The following CD38 variants were observed in gnomAD, a reference collection of about 807,000 sequenced individuals.
The protein encoded by CD38 is CD38 molecule, also known as ADP-ribosyl cyclase/cyclic ADP-ribose hydrolase 1.
A neutral mutation model predicts 36.3 loss-of-function variants in CD38; 31 were observed. The ratio of observed to expected loss-of-function variants is 0.85; its 90% CI spans 0.64 to 1.15. The LOEUF (loss-of-function observed/expected upper bound fraction) is 1.15. Among genes scored for constraint, CD38 ranks in the 50% most tolerant of loss-of-function variants. The pLI is 0.00. For missense variants in CD38, 380 were observed against 371.9 expected (o/e 1.02, Z -0.18); for synonymous variants, 131 against 135.2 (o/e 0.97, Z 0.22).
chr4:15,779,509 A>C (rs571194822), intron 1 of CD38, among the ~76,000 whole-genome samples: 1 of 152,202 alleles, frequency 6.6e-6, no homozygotes, highest in Non-Finnish European at 1.5e-5. Flanking sequence ...GAAGGCAGGC[A>C]GGGGGAGCTG....
intron 1 of CD38, among the ~76,000 whole-genome samples, chr4:15,792,691 GTAAATCTTTCAGTCTGTATCTC>G (rs1313270386): frequency 6.6e-6 from 1 of 151,878 alleles, no homozygotes; most frequent in East Asian, 1.9e-4. Context: ...AATTTTGTCT[GTAAATCTTTCAGTCTGTATCTC>G]TAAATCTTTC....
At chr4:15,804,259 TG>T (rs141654310) in intron 1 of CD38, among the ~76,000 whole-genome samples, 9,722 of 152,268 alleles carry the variant, frequency 0.064, 336 homozygotes, top group Non-Finnish European at 0.066. Flanking sequence ...TCACAGCGGT[TG>T]AACTAATTTA....
intron 3 of CD38, among the ~76,000 whole-genome samples, chr4:15,830,213 T>C (rs764055897): frequency 6.6e-6 from 1 of 152,238 alleles, no homozygotes; most frequent in Non-Finnish European, 1.5e-5. Flanking sequence ...CCACCAACAG[T>C]GTACAAGGGT....
intron 1 of CD38, among the ~76,000 whole-genome samples, chr4:15,797,211 G>A (rs1371090358): frequency 2.0e-5 from 3 of 152,058 alleles, no homozygotes; most frequent in Admixed American, 6.6e-5. Flanking sequence ...CCTGTAGAGT[G>A]AATTTTACTT....
intron 1 of CD38, among the ~76,000 whole-genome samples, chr4:15,780,512 TCTCTCTCA>T (rs1722666703): frequency 8.8e-6 from 1 of 113,530 alleles, no homozygotes; most frequent in Non-Finnish European, 1.7e-5. Flanking sequence ...GATAATATTC[TCTCTCTCA>T]CACACACACA....
Position 15,848,694 on chromosome 4 carries a change from T to C in CD38, c.*92T>C, listed in dbSNP as rs113119391. 9.8e-7 allele frequency: 1 copy of C among 1,024,402 alleles called. No individual in the cohort carries two copies. Among genetic ancestry groups the C allele is most frequent in the Non-Finnish European group, 1.5e-6 (1 of 660,986 alleles). 63.5% of individuals were successfully genotyped at this position (1,024,402 alleles called of 1,614,324 possible). On this transcript the variant is annotated 3_prime_UTR_variant, in exon 8 of 8. Transcript: ENST00000226279. The stretch of plus-strand genomic sequence containing the variant: ...ATACCTGCTGGTGCAGAGCTGAAGA[T>C]TTTGGAGGGTCCTCCACAATAAGGT...
chr4:15,779,794 C>T (rs1290133912), intron 1 of CD38, among the ~76,000 whole-genome samples: 2 of 150,616 alleles, frequency 1.3e-5, no homozygotes, highest in African/African-American at 4.9e-5. Flanking sequence ...TAGAAAGCAA[C>T]CTCATTAAAA....
intron 5 of CD38, among the ~76,000 whole-genome samples, chr4:15,839,045 A>T (rs1724139518): frequency 6.6e-6 from 1 of 152,132 alleles, no homozygotes; most frequent in Non-Finnish European, 1.5e-5. Context: ...CATAAGGCTG[A>T]CTGAAAGGAG....
rs1722747392 is a variant in CD38 at position 15,783,747 on chromosome 4, G to GTCTTACCTTACA, written c.233+5101_233+5102insCTTACCTTACAT. Among the ~76,000 whole-genome samples the GTCTTACCTTACA allele has an allele frequency of 5.9e-5, 9 of 152,272 alleles. No homozygotes were observed. In the South Asian group the frequency reaches 1.9e-3, roughly 32 times the overall value. On this transcript the variant is annotated intron_variant, in intron 1 of 7. Transcript: ENST00000226279. ...ACAAGGACCATCTTTTCTGATTCAT[G>GTCTTACCTTACA]TTCATGTCGATTTCTTTTTTATTTA... is the stretch of plus-strand genomic sequence containing the variant.
At chr4:15,831,361 C>T (rs1723954606) in intron 3 of CD38, among the ~76,000 whole-genome samples, 3 of 152,170 alleles carry the variant, frequency 2.0e-5, no homozygotes, top group African/African-American at 7.2e-5. Context: ...TGTGTACTTA[C>T]TACTGCCAGT....
intron 1 of CD38, among the ~76,000 whole-genome samples, chr4:15,801,882 G>A (rs1410031003): frequency 2.6e-5 from 4 of 152,100 alleles, no homozygotes; most frequent in Admixed American, 2.6e-4. Context: ...CTAAAAACTG[G>A]AACAAGATAA....
chr4:15,832,869 A>C (rs1723987354), intron 3 of CD38, among the ~76,000 whole-genome samples: 1 of 152,166 alleles, frequency 6.6e-6, no homozygotes, highest in Admixed American at 6.5e-5. Context: ...GAAGCCAGGG[A>C]CTAGAGTAAA....
intron 1 of CD38, among the ~76,000 whole-genome samples, chr4:15,789,225 C>T (rs1722903943): frequency 6.6e-6 from 1 of 152,076 alleles, no homozygotes; most frequent in South Asian, 2.1e-4. Flanking sequence ...CTTTTAGATC[C>T]TGGAGATATA....
intron 2 of CD38, among the ~76,000 whole-genome samples, chr4:15,821,191 T>C (rs1251644897): frequency 2.0e-5 from 3 of 152,070 alleles, no homozygotes; most frequent in East Asian, 3.9e-4. Flanking sequence ...ACTAAAGCAG[T>C]GTTAAGAGGG....
chr4:15,848,626 C>G lies in CD38; in HGVS notation c.*24C>G, dbSNP rs373805373. 5.0e-6 allele frequency: 8 copies of G among 1,584,416 alleles called. No homozygotes were observed. In the East Asian group the frequency reaches 1.6e-4, roughly 31 times the overall value. On this transcript the variant is annotated 3_prime_UTR_variant, in exon 8 of 8. Coordinates refer to ENST00000226279, the MANE Select transcript of CD38 (RefSeq NM_001775.4). ...GAGCCAGTCGCTGTGGTTGTTTTAG[C>G]TCCTTGACTCCTTGTGGTTTATGTC...
At chr4:15,794,855 C>A (rs548399470) in intron 1 of CD38, among the ~76,000 whole-genome samples, 2 of 151,910 alleles carry the variant, frequency 1.3e-5, no homozygotes, top group African/African-American at 4.8e-5. Flanking sequence ...ACCACAAGCA[C>A]GAACATGTTT....
intron 7 of CD38, among the ~76,000 whole-genome samples, chr4:15,847,595 CAAAAAAAAAAAAA>C (rs71179666): frequency 1.8e-4 from 7 of 38,170 alleles, no homozygotes; most frequent in East Asian, 3.9e-3. Context: ...CTCTCAGAAG[CAAAAAAAAAAAAA>C]AAAAAAAAAA....
chr4:15,847,324 C>A (rs1280273255), intron 7 of CD38, among the ~76,000 whole-genome samples: 1 of 15,172 alleles, frequency 6.6e-5, no homozygotes, highest in African/African-American at 3.5e-4. Context: ...AAACCAAACA[C>A]CGCATATTCT....
intron 7 of CD38, among the ~76,000 whole-genome samples, chr4:15,848,325 C>T (rs929974578): frequency 2.6e-5 from 4 of 152,016 alleles, no homozygotes; most frequent in African/African-American, 7.3e-5. Context: ...TGTGGGGGTC[C>T]GTGGCCTTGG....
Sources: allele counts gnomAD v4.1 joint callset (sites outside exome capture counted in the v4.1 genomes callset), GRCh38; gene constraint gnomAD v4.1.1; transcripts MANE v1.5; gene names NCBI Gene and HGNC (gene_info 2026-07-23, HGNC 2026-07-21).